LHFPL3: variants seen among roughly 807,000 people sequenced by gnomAD.
LHFPL3 encodes the protein LHFPL tetraspan subfamily member 3.
In LHFPL3, 5 loss-of-function variants were observed where a neutral mutation model predicts 19.3. The observed-to-expected ratio is 0.26, with a 90% confidence interval of 0.14 to 0.54. LHFPL3 has a LOEUF of 0.54. LHFPL3 is among the 20% of genes least tolerant of loss of function. The pLI is 0.94. For missense variants in LHFPL3, 249 were observed against 307.4 expected, an observed-to-expected ratio of 0.81 and a Z score of 1.42; for synonymous variants, 133 against 126.2, an observed-to-expected ratio of 1.05 and a Z score of -0.36.
chr7:104,537,201 A>C (rs1228076046), intron 1 of LHFPL3, among the ~76,000 whole-genome samples: 1 of 152,136 alleles, frequency 6.6e-6, no homozygotes, highest in Non-Finnish European at 1.5e-5. Context: ...CCATCTGGTC[A>C]CTGCTGCTTG....
At chr7:104,345,672 T>C (rs1790051186) in intron 1 of LHFPL3, among the ~76,000 whole-genome samples, 1 of 152,226 alleles carries the variant, frequency 6.6e-6, no homozygotes, top group African/African-American at 2.4e-5. Context: ...ATACTTGATA[T>C]TGAAGCTACA....
At chr7:104,574,903 A>G (rs1293142869) in intron 1 of LHFPL3, among the ~76,000 whole-genome samples, 1 of 152,048 alleles carries the variant, frequency 6.6e-6, no homozygotes, top group African/African-American at 2.4e-5. Context: ...AAAATATGAC[A>G]CTCCATGTAT....
chr7:104,576,579 A>G (rs892744210), intron 1 of LHFPL3, among the ~76,000 whole-genome samples: 37 of 152,188 alleles, frequency 2.4e-4, no homozygotes, highest in South Asian at 2.1e-4. Context: ...CATAGTGAAC[A>G]TAGATCTTCC....
At chr7:104,836,269 GTA>G (rs1186966459) in intron 2 of LHFPL3, among the ~76,000 whole-genome samples, 1 of 152,218 alleles carries the variant, frequency 6.6e-6, no homozygotes, top group East Asian at 1.9e-4. Flanking sequence ...CCTTTAGGCT[GTA>G]TATGTCAGGG....
intron 1 of LHFPL3, among the ~76,000 whole-genome samples, chr7:104,346,336 G>GTTTTT: frequency 7.1e-6 from 1 of 140,356 alleles, no homozygotes; most frequent in African/African-American, 2.7e-5. Context: ...AGTTATCAGG[G>GTTTTT]TTTTTTTTTT....
chr7:104,440,007 A>G (rs1792184338), intron 1 of LHFPL3, among the ~76,000 whole-genome samples: 1 of 144,192 alleles, frequency 6.9e-6, no homozygotes, highest in Non-Finnish European at 1.5e-5. Flanking sequence ...GAGTTTTAGA[A>G]TACAAGATTA....
chr7:104,466,236 A>G (rs1280106824), intron 1 of LHFPL3, among the ~76,000 whole-genome samples: 1 of 152,338 alleles, frequency 6.6e-6, no homozygotes, highest in Admixed American at 6.5e-5. Flanking sequence ...GTGCAAAAAA[A>G]CTAGTATTAT....
intron 1 of LHFPL3, among the ~76,000 whole-genome samples, chr7:104,469,563 A>C (rs1312717300): frequency 2.0e-5 from 3 of 152,208 alleles, no homozygotes; most frequent in Admixed American, 2.0e-4. Flanking sequence ...GTGGGTGGCC[A>C]CACAACTGAG....
chr7:104,812,594 G>T (rs1379312085), intron 2 of LHFPL3, among the ~76,000 whole-genome samples: 1 of 151,574 alleles, frequency 6.6e-6, no homozygotes, highest in Non-Finnish European at 1.5e-5. Context: ...GAGGTCAGGA[G>T]TTCAAGACCA....
chr7:104,648,924 T>G (rs1425336411), intron 1 of LHFPL3, among the ~76,000 whole-genome samples: 12 of 152,238 alleles, frequency 7.9e-5, no homozygotes, highest in Admixed American at 5.9e-4. Context: ...TTTGCCATGT[T>G]CTGTCCGCCA....
chr7:104,601,460 C>T (rs1790965728), intron 1 of LHFPL3, among the ~76,000 whole-genome samples: 1 of 152,110 alleles, frequency 6.6e-6, no homozygotes, highest in African/African-American at 2.4e-5. Flanking sequence ...GTCCTTAGAT[C>T]ATGAAGCATA....
At chr7:104,563,470 T>C in intron 1 of LHFPL3, among the ~76,000 whole-genome samples, 1 of 152,302 alleles carries the variant, frequency 6.6e-6, no homozygotes, top group Non-Finnish European at 1.5e-5. Context: ...CACCCCTTTC[T>C]TTGACTCAGA....
intron 1 of LHFPL3, among the ~76,000 whole-genome samples, chr7:104,472,284 G>C (rs1171339789): frequency 2.6e-5 from 4 of 151,952 alleles, no homozygotes; most frequent in Non-Finnish European, 5.9e-5. Flanking sequence ...TGAGTTTTCA[G>C]AAGCAAAGAT....
At chr7:104,828,732 A>G (rs1790871942) in intron 2 of LHFPL3, among the ~76,000 whole-genome samples, 1 of 151,960 alleles carries the variant, frequency 6.6e-6, no homozygotes, top group African/African-American at 2.4e-5. Context: ...TAAGAGGGAA[A>G]TAAAGAGTCC....
At chr7:104,529,445 T>G (rs1794252677) in intron 1 of LHFPL3, among the ~76,000 whole-genome samples, 1 of 152,178 alleles carries the variant, frequency 6.6e-6, no homozygotes, top group African/African-American at 2.4e-5. Flanking sequence ...TCCCACTGCC[T>G]GTAATGCCAT....
chr7:104,684,519 T>C (rs1792770286), intron 1 of LHFPL3, among the ~76,000 whole-genome samples: 2 of 152,266 alleles, frequency 1.3e-5, no homozygotes, highest in Non-Finnish European at 2.9e-5. Flanking sequence ...GAATTTCATA[T>C]AATTTTCATG....
intron 1 of LHFPL3, among the ~76,000 whole-genome samples, chr7:104,617,133 C>T (rs760750690): frequency 6.6e-5 from 10 of 152,070 alleles, no homozygotes; most frequent in Non-Finnish European, 1.5e-4. Context: ...CCATTTGACC[C>T]AGCAATCCCA....
chr7:104,422,918 CT>C (rs1413001645), intron 1 of LHFPL3, among the ~76,000 whole-genome samples: 1 of 152,130 alleles, frequency 6.6e-6, no homozygotes, highest in African/African-American at 2.4e-5. Flanking sequence ...ATATTAATAC[CT>C]TCAAGTGAAT....
At chr7:104,707,187 T>C (rs949093970) in intron 1 of LHFPL3, among the ~76,000 whole-genome samples, 1 of 152,190 alleles carries the variant, frequency 6.6e-6, no homozygotes, top group Non-Finnish European at 1.5e-5. Flanking sequence ...CATGCTCCAT[T>C]AGGCTTAATT....
Sources: gnomAD v4.1 joint callset for allele counts (sites outside exome capture counted in the v4.1 genomes callset) on GRCh38, gnomAD v4.1.1 for gene constraint, MANE v1.5 for transcripts, NCBI Gene and HGNC (gene_info 2026-07-23, HGNC 2026-07-21) for gene names.